HYCC2: variants seen among roughly 807,000 people sequenced by gnomAD.
The protein encoded by HYCC2 is hyccin 2.
chr2:200,985,243 AT>A, the HYCC2 span, among the ~76,000 whole-genome samples: 1,018 of 151,800 alleles, frequency 6.7e-3, 5 homozygotes, highest in Admixed American at 9.5e-3. Context: ...GAATTTTTTT[AT>A]TTTTTTTTAT....
At chr2:201,062,002 G>A in the HYCC2 span, among the ~76,000 whole-genome samples, 1 of 152,148 alleles carries the variant, frequency 6.6e-6, no homozygotes, top group Admixed American at 6.6e-5. Context: ...ATACTTGGGA[G>A]GCTGAGGAGG....
chr2:200,980,428 A>G, the HYCC2 span: 1 of 152,722 alleles, frequency 6.5e-6, no homozygotes, highest in Admixed American at 6.5e-5. Flanking sequence ...CAAAGTGTCA[A>G]TCATTCCTGG....
the HYCC2 span, among the ~76,000 whole-genome samples, chr2:200,991,151 C>G: frequency 6.6e-6 from 1 of 152,120 alleles, no homozygotes; most frequent in African/African-American, 2.4e-5. Flanking sequence ...AGTTTGTGCC[C>G]TGCATATATT....
At chr2:201,036,420 GC>G in the HYCC2 span, among the ~76,000 whole-genome samples, 1 of 152,112 alleles carries the variant, frequency 6.6e-6, no homozygotes, top group African/African-American at 2.4e-5. Flanking sequence ...TGATACCAAA[GC>G]CTGGCAGAGA....
At chr2:200,989,967 G>A in the HYCC2 span, among the ~76,000 whole-genome samples, 1 of 151,492 alleles carries the variant, frequency 6.6e-6, no homozygotes, top group African/African-American at 2.4e-5. Context: ...TCAAATCACC[G>A]AGACAACTAT....
At chr2:201,062,676 G>A in the HYCC2 span, among the ~76,000 whole-genome samples, 1 of 148,900 alleles carries the variant, frequency 6.7e-6, no homozygotes, top group African/African-American at 2.5e-5. Flanking sequence ...ACATTAGCCA[G>A]GAGTGGTAGC....
the HYCC2 span, among the ~76,000 whole-genome samples, chr2:201,018,706 G>A: frequency 6.6e-6 from 1 of 152,086 alleles, no homozygotes; most frequent in East Asian, 1.9e-4. Flanking sequence ...GGGTGTGGAG[G>A]TACACATCCA....
At chr2:201,055,959 C>T in the HYCC2 span, among the ~76,000 whole-genome samples, 6 of 152,072 alleles carry the variant, frequency 3.9e-5, no homozygotes, top group South Asian at 2.1e-4. Context: ...GAGGCCGAGG[C>T]GGGTGGATCA....
the HYCC2 span, among the ~76,000 whole-genome samples, chr2:201,059,569 C>A: frequency 6.6e-6 from 1 of 152,100 alleles, no homozygotes; most frequent in Admixed American, 6.6e-5. Context: ...AAGGAAAAAA[C>A]CCTTTCCTTT....
At chr2:201,053,041 G>C in the HYCC2 span, among the ~76,000 whole-genome samples, 1 of 152,170 alleles carries the variant, frequency 6.6e-6, no homozygotes, top group South Asian at 2.1e-4. Context: ...ATGGGGTCAA[G>C]TACACATAAG....
the HYCC2 span, among the ~76,000 whole-genome samples, chr2:200,988,890 C>G: frequency 5.9e-5 from 9 of 152,166 alleles, no homozygotes; most frequent in East Asian, 1.7e-3. Context: ...TTGACTGATG[C>G]ATGTTTCCTA....
the HYCC2 span, among the ~76,000 whole-genome samples, chr2:201,042,675 C>G: frequency 6.6e-6 from 1 of 151,564 alleles, no homozygotes; most frequent in Non-Finnish European, 1.5e-5. Flanking sequence ...CGTCTCCGCC[C>G]GGCAGCCGCC....
At chr2:201,027,535 C>A in the HYCC2 span, among the ~76,000 whole-genome samples, 25 of 152,268 alleles carry the variant, frequency 1.6e-4, no homozygotes, top group African/African-American at 6.0e-4. Context: ...AGACCAACAT[C>A]CCTGATGAAC....
the HYCC2 span, chr2:200,973,912 T>C: frequency 6.6e-6 from 1 of 152,144 alleles, no homozygotes; most frequent in Non-Finnish European, 1.5e-5. Flanking sequence ...AAATATTTTT[T>C]CATCTCTGGC....
At chr2:201,041,833 C>A in the HYCC2 span, among the ~76,000 whole-genome samples, 1 of 152,220 alleles carries the variant, frequency 6.6e-6, no homozygotes, top group Non-Finnish European at 1.5e-5. Flanking sequence ...TCAGACAACT[C>A]ATTTAAACCC....
chr2:201,025,927 C>T, the HYCC2 span, among the ~76,000 whole-genome samples: 5 of 151,876 alleles, frequency 3.3e-5, no homozygotes, highest in Admixed American at 6.6e-5. Context: ...TAGCTGGGTG[C>T]GCTAATATCA....
At chr2:201,045,305 A>T in the HYCC2 span, among the ~76,000 whole-genome samples, 994 of 152,348 alleles carry the variant, frequency 6.5e-3, 12 homozygotes, top group African/African-American at 0.023. Context: ...AAAGGTTTTT[A>T]AAAAACACAT....
At chr2:201,012,893 C>A in the HYCC2 span, among the ~76,000 whole-genome samples, 1 of 150,534 alleles carries the variant, frequency 6.6e-6, no homozygotes, top group African/African-American at 2.5e-5. Flanking sequence ...TGCAGTGAGC[C>A]GAGATCACAC....
chr2:200,985,671 A>C, the HYCC2 span, among the ~76,000 whole-genome samples: 1 of 152,158 alleles, frequency 6.6e-6, no homozygotes, highest in Non-Finnish European at 1.5e-5. Flanking sequence ...CAAAAAAATA[A>C]ATAAATAAAA....
Sources: gnomAD v4.1 joint callset for allele counts (sites outside exome capture counted in the v4.1 genomes callset) on GRCh38, gnomAD v4.1.1 for gene constraint, MANE v1.5 for transcripts, NCBI Gene and HGNC (gene_info 2026-07-23, HGNC 2026-07-21) for gene names.